Variants in SDK1 observed in about 807,000 individuals in gnomAD.
SDK1 encodes the protein sidekick cell adhesion molecule 1.
Under a neutral mutation model 245.5 loss-of-function variants are expected in SDK1, and 157 were observed. The ratio of observed to expected loss-of-function variants is 0.64; its 90% CI spans 0.56 to 0.73. The LOEUF (loss-of-function observed/expected upper bound fraction) is 0.73. Among genes scored for constraint, SDK1 ranks in the 30% least tolerant of loss-of-function variants. The pLI is 0.00. For missense variants in SDK1, 3,583 were observed against 3,002.3 expected (o/e 1.19, Z -4.52); for synonymous variants, 1,647 against 1,278.5 (o/e 1.29, Z -6.15).
intron 4 of SDK1, among the ~76,000 whole-genome samples, 160 bp from the exon 5 acceptor site, chr7:3,821,290 G>A (rs556005426): frequency 2.6e-5 from 4 of 152,174 alleles, no homozygotes; most frequent in South Asian, 2.1e-4. Flanking sequence ...TCTCTCTGGC[G>A]TTGTCGTATT....
intron 1 of SDK1, among the ~76,000 whole-genome samples, chr7:3,422,433 A>T (rs2128581258): frequency 6.6e-6 from 1 of 152,322 alleles, no homozygotes; most frequent in Middle Eastern, 3.4e-3. Flanking sequence ...AGCTAAGTGG[A>T]TTCATTGACA....
intron 35 of SDK1, among the ~76,000 whole-genome samples, chr7:4,180,279 G>A (rs368001207): frequency 5.0e-5 from 7 of 141,228 alleles, no homozygotes; most frequent in African/African-American, 1.4e-4. Flanking sequence ...CCCAGTACCC[G>A]GCTCTAGCTC....
At chr7:4,127,317 C>T (rs1182120146) in intron 25 of SDK1, 64 bp from the exon 26 acceptor site, 32 of 1,232,562 alleles carry the variant, frequency 2.6e-5, no homozygotes, top group Non-Finnish European at 3.6e-5. Context: ...TGGGTGAAAG[C>T]TGGATCTTTG....
At position 3,357,328 on chromosome 7, in the gene SDK1, G is replaced by GTTTTTTTTTTTTTTTTT. The variant is rs560124026; in HGVS notation, c.298+55467_298+55483dup. Among the ~76,000 whole-genome samples, 16 of 52,942 alleles carry GTTTTTTTTTTTTTTTTT rather than the reference G, an allele frequency of 3.0e-4. 4 individuals carry two copies. Among genetic ancestry groups the GTTTTTTTTTTTTTTTTT allele is most frequent in the Admixed American group, 8.2e-4 (3 of 3,638 alleles). 34.7% of individuals were successfully genotyped at this position (52,942 alleles called of 152,430 possible). ...TTACTCTTGCTCCCCTTCTTTTAGT[G>GTTTTTTTTTTTTTTTTT]TTTTTTTTTTTTTTTTTTTTTTTTT... On this transcript the variant is annotated intron_variant, in intron 1 of 44. Transcript: ENST00000404826.
At chr7:3,953,621 T>A (rs532004380) in intron 7 of SDK1, among the ~76,000 whole-genome samples, 14 of 152,338 alleles carry the variant, frequency 9.2e-5, no homozygotes, top group African/African-American at 3.4e-4. Flanking sequence ...CATTTTAAGG[T>A]AATTTAAACA....
At chr7:3,397,940 T>G (rs1481510445) in intron 1 of SDK1, among the ~76,000 whole-genome samples, 1 of 152,128 alleles carries the variant, frequency 6.6e-6, no homozygotes. Context: ...CTTTGCCCCT[T>G]CAGATTGTGT....
intron 1 of SDK1, among the ~76,000 whole-genome samples, chr7:3,406,201 C>G (rs1276480780): frequency 2.6e-5 from 4 of 152,204 alleles, no homozygotes; most frequent in African/African-American, 9.6e-5. Context: ...CCTATGCATT[C>G]AAAATGTGAA....
rs185286404 is a variant in SDK1 at position 3,790,067 on chromosome 7, G to A, written c.714-31383G>A. Among the ~76,000 whole-genome samples the A allele has an allele frequency of 2.1e-4, 32 of 152,262 alleles. No individual in the cohort carries two copies. The East Asian group carries it at 2.5e-3, about 12-fold the overall frequency. ...CAGCGGAGAAGTTGAGAAAGACCCC[G>A]TAGTCCAAATGCCAGGTGTAGCAGA... On this transcript the variant is annotated intron_variant, in intron 4 of 44. Coordinates refer to ENST00000404826, the MANE Select transcript of SDK1 (RefSeq NM_152744.4).
chr7:3,609,441 C>T (rs181853180), intron 1 of SDK1, among the ~76,000 whole-genome samples: 7 of 152,246 alleles, frequency 4.6e-5, no homozygotes, highest in Non-Finnish European at 8.8e-5. Context: ...CACTCTGTTG[C>T]CCAGGCTGGA....
At chr7:3,587,874 T>C (rs1038256899) in intron 1 of SDK1, among the ~76,000 whole-genome samples, 4 of 152,218 alleles carry the variant, frequency 2.6e-5, no homozygotes, top group Non-Finnish European at 4.4e-5. Flanking sequence ...TCTTCTCCTG[T>C]GTGTTCTCAG....
In SDK1 at chr7:3,898,384, C is replaced by T. The variant is rs527781115; in HGVS notation, c.848-52539C>T. Among the ~76,000 whole-genome samples the T allele has an allele frequency of 1.2e-4, 18 of 152,258 alleles. No homozygotes were observed. In the East Asian group the frequency reaches 3.1e-3, roughly 26 times the overall value. The stretch of plus-strand genomic sequence containing the variant: ...TCCGGTACAATGTCACATCATGATG[C>T]CATTCAGACCTCTTTTCCCAAAGAT... On this transcript the variant is annotated intron_variant, in intron 5 of 44. Coordinates refer to ENST00000404826, the MANE Select transcript of SDK1 (RefSeq NM_152744.4).
At chr7:3,735,449 C>G (rs1462294265) in intron 4 of SDK1, among the ~76,000 whole-genome samples, 1 of 152,152 alleles carries the variant, frequency 6.6e-6, no homozygotes, top group African/African-American at 2.4e-5. Flanking sequence ...ACTTATTTCA[C>G]TTGGTATAAT....
chr7:3,637,873 C>T (rs1295889726), intron 2 of SDK1, among the ~76,000 whole-genome samples: 1 of 152,238 alleles, frequency 6.6e-6, no homozygotes, highest in African/African-American at 2.4e-5. Context: ...GAGAGAGACG[C>T]CCTGATGGCA....
intron 1 of SDK1, among the ~76,000 whole-genome samples, chr7:3,506,478 T>C (rs368697619): frequency 6.6e-6 from 1 of 152,206 alleles, no homozygotes; most frequent in Non-Finnish European, 1.5e-5. Flanking sequence ...GTTTCATGCT[T>C]TCATAAAATA....
intron 22 of SDK1, among the ~76,000 whole-genome samples, chr7:4,092,130 C>T (rs1018397464): frequency 6.6e-6 from 1 of 152,188 alleles, no homozygotes; most frequent in Non-Finnish European, 1.5e-5. Flanking sequence ...TGTTCTTTAG[C>T]CATAAAGCCC....
rs1783026005 is a variant in SDK1 at position 3,977,371 on chromosome 7, CACACA to C, written c.1994+2827_1994+2831del. Among the ~76,000 whole-genome samples, 5 of 121,206 alleles carry C rather than the reference CACACA, an allele frequency of 4.1e-5. No individual in the cohort carries two copies. The South Asian group carries it at 1.7e-3, about 42-fold the overall frequency. 79.5% of individuals were successfully genotyped at this position (121,206 alleles called of 152,430 possible). A position where few individuals can be genotyped will look rare whatever the true frequency, so the allele number is the denominator to read the frequency against. ...CTGAGGGTCCCGGGGCTGAGGCTGC[CACACA>C]GACGGTCCTCCAGAGAATCACTGGG... On this transcript the variant is annotated intron_variant, in intron 13 of 44. Coordinates refer to ENST00000404826, the MANE Select transcript of SDK1 (RefSeq NM_152744.4).
intron 44 of SDK1, among the ~76,000 whole-genome samples, chr7:4,247,381 G>A (rs1466847614): frequency 3.3e-5 from 5 of 152,218 alleles, no homozygotes; most frequent in Admixed American, 6.5e-5. Flanking sequence ...GAAACAGCAG[G>A]CAGCAAAGCA....
chr7:3,807,454 AC>A (rs1403460398), intron 4 of SDK1, among the ~76,000 whole-genome samples: 6 of 152,142 alleles, frequency 3.9e-5, no homozygotes, highest in African/African-American at 1.4e-4. Context: ...CAGAAAATCT[AC>A]CCCTGCATTT....
intron 1 of SDK1, among the ~76,000 whole-genome samples, chr7:3,355,813 C>T (rs1307636068): frequency 1.3e-5 from 2 of 152,222 alleles, no homozygotes; most frequent in Non-Finnish European, 2.9e-5. Flanking sequence ...CTCCTATATT[C>T]TTACCTTCAG....
Sources: gnomAD v4.1 joint callset for allele counts (sites outside exome capture counted in the v4.1 genomes callset) on GRCh38, gnomAD v4.1.1 for gene constraint, MANE v1.5 for transcripts, NCBI Gene and HGNC (gene_info 2026-07-23, HGNC 2026-07-21) for gene names.